CCNA2: variants seen among roughly 807,000 people sequenced by gnomAD.
CCNA2 encodes cyclin-A2.
CCNA2 carries 3 observed loss-of-function variants against 49.4 expected under a neutral mutation model. The ratio of observed to expected loss-of-function variants is 0.06; its 90% CI spans 0.03 to 0.16. The LOEUF (loss-of-function observed/expected upper bound fraction) is 0.16. CCNA2 is among the 10% of genes least tolerant of loss of function. The probability of loss-of-function intolerance (pLI) is 1.00; values close to 1 mark genes in which losing one functional copy is unlikely to be tolerated. For synonymous variants in CCNA2, 206 were observed against 197.2 expected (o/e 1.04, Z -0.37); for missense variants, 372 against 519.7 (o/e 0.72, Z 2.76).
chr4:121,821,982 T>A (rs1193848380), intron 2 of CCNA2, among the ~76,000 whole-genome samples: 1 of 152,222 alleles, frequency 6.6e-6, no homozygotes, highest in African/African-American at 2.4e-5. Flanking sequence ...CAGACTGGTT[T>A]TATAGAAACA....
intron 1 of CCNA2, 44 bp downstream of exon 1, chr4:121,823,372 C>G (rs1379675857): frequency 6.4e-7 from 1 of 1,562,012 alleles, no homozygotes; most frequent in South Asian, 1.2e-5. Flanking sequence ...CAATGCCAAA[C>G]CCTGCTCGAC....
Position 121,816,672 on chromosome 4 carries a change from C to A in CCNA2, c.*966G>T. ...GGATGCCAGTCTTACTCATAGCTGA[C>A]ACATTTTAGATCCTACTGGAAAACT... On this transcript the variant is annotated 3_prime_UTR_variant, in exon 8 of 8. Coordinates refer to ENST00000274026, the MANE Select transcript of CCNA2 (RefSeq NM_001237.5). The A allele has an allele frequency of 8.2e-7, 1 of 1,217,364 alleles. No homozygotes were observed. The highest frequency in any genetic ancestry group is 1.1e-6 in the Non-Finnish European group (1 of 896,568). 75.4% of individuals were successfully genotyped at this position (1,217,364 alleles called of 1,614,324 possible). A position where few individuals can be genotyped will look rare whatever the true frequency, so the allele number is the denominator to read the frequency against.
chr4:121,821,222 T>C, intron 2 of CCNA2, 131 bp from the exon 3 acceptor site: 1 of 1,108,794 alleles, frequency 9.0e-7, no homozygotes, highest in South Asian at 2.2e-5. Context: ...GAGCTTCTCA[T>C]GACAAAATAT....
intron 7 of CCNA2, 143 bp from the exon 8 acceptor site, chr4:121,817,829 G>T: frequency 8.0e-7 from 1 of 1,249,716 alleles, no homozygotes; most frequent in Non-Finnish European, 1.1e-6. Context: ...AACACTGTCT[G>T]GTCCCTGAAA....
chr4:121,823,319 G>A (rs1724742926), intron 1 of CCNA2, 97 bp downstream of exon 1: 11 of 1,415,872 alleles, frequency 7.8e-6, no homozygotes, highest in Admixed American at 2.4e-5. Context: ...CCTTCCAAAA[G>A]CCCAGGACAT....
Position 121,816,840 on chromosome 4 carries a change from A to G in CCNA2, c.*798T>C. 6.3e-7 allele frequency: 1 copy of G among 1,592,890 alleles called. No individual in the cohort carries two copies. Among genetic ancestry groups the G allele is most frequent in the Non-Finnish European group, 8.6e-7 (1 of 1,167,124 alleles). On this transcript the variant is annotated 3_prime_UTR_variant, in exon 8 of 8. Transcript: ENST00000274026. Reference sequence around the variant, plus strand: ...AAGCCAGTGAAAAGAAGAAAAAAGAAGAGAGCTGCCAATTAAAGCTAACAG... The same window carrying G: ...AAGCCAGTGAAAAGAAGAAAAAAGAGGAGAGCTGCCAATTAAAGCTAACAG...
chr4:121,817,564 A>G lies in CCNA2; in HGVS notation c.*74T>C. 1.3e-6 allele frequency: 2 copies of G among 1,563,110 alleles called. No individual in the cohort carries two copies. Among genetic ancestry groups the G allele is most frequent in the Non-Finnish European group, 8.7e-7 (1 of 1,148,332 alleles). On this transcript the variant is annotated 3_prime_UTR_variant, in exon 8 of 8. Coordinates refer to ENST00000274026, the MANE Select transcript of CCNA2 (RefSeq NM_001237.5). ...TATTCAGAAATGATTGTAAAATTAA[A>G]ACCTAAGTTAAAAACTGTACACCAT...
Position 121,818,860 on chromosome 4 carries a change from T to C in CCNA2, c.1056A>G (p.Pro352=), listed in dbSNP as rs760690278. ...GAAAGGCAGCTCCAGCAATAACTGA[T>C]GGCAAATACTTGAGGTATGGGTCAG... ...IDADPYLKYL[P]SVIAGAAFHL... is the part of the protein sequence containing the mutation. The change falls in exon 6 of 8, where the codon CCA becomes CCG. Residue 352 remains proline, a synonymous_variant. Transcript: ENST00000274026. 1.9e-6 allele frequency: 3 copies of C among 1,613,960 alleles called. No homozygotes were observed. Among genetic ancestry groups the C allele is most frequent in the Admixed American group, 1.7e-5 (1 of 60,016 alleles).
In CCNA2 at chr4:121,820,393, C is replaced by G. The variant is rs974692798; in HGVS notation, c.794+149G>C. 1.4e-5 allele frequency: 8 copies of G among 590,528 alleles called. No individual in the cohort carries two copies. Among genetic ancestry groups the G allele is most frequent in the Non-Finnish European group, 1.8e-5 (6 of 328,916 alleles). The allele number at this position is 590,528 out of a possible 1,614,324, so 36.6% of individuals were successfully genotyped here. On this transcript the variant is annotated intron_variant, in intron 4 of 7. Transcript: ENST00000274026. This position sits in a 1 kb window ranked among gnomAD's most constrained non-coding sequence, Gnocchi z 4.1. Reference sequence around the variant, plus strand: ...TCTAGATTAGAACAGTTTCATCCTCCTCCACTGCCCTAAGCCCCAGCACAT... The same window carrying G: ...TCTAGATTAGAACAGTTTCATCCTCGTCCACTGCCCTAAGCCCCAGCACAT...
chr4:121,819,056 CAT>C (rs1158420489), intron 5 of CCNA2, 143 bp from the exon 6 acceptor site: 20 of 626,010 alleles, frequency 3.2e-5, no homozygotes, highest in Non-Finnish European at 4.9e-5. Flanking sequence ...CATCTTTAAA[CAT>C]ATCAATCATT....
chr4:121,819,036 C>T, intron 5 of CCNA2, 123 bp from the exon 6 acceptor site: 1 of 651,464 alleles, frequency 1.5e-6, no homozygotes, highest in Admixed American at 2.5e-5. Context: ...GAAAAAATAT[C>T]TCACAGCCTC....
chr4:121,823,402 C>G lies in CCNA2; in HGVS notation c.213+14G>C. 6.2e-7 allele frequency: 1 copy of G among 1,604,794 alleles called. No individual in the cohort carries two copies. The highest frequency in any genetic ancestry group is 8.5e-7 in the Non-Finnish European group (1 of 1,174,490). On this transcript the variant is annotated intron_variant, in intron 1 of 7. Transcript: ENST00000274026. Reference sequence around the variant, plus strand: ...CTCGACCCACCCTCCTGCAGATATCCCGCATCCCTTTACCCGTCTCGTCTT... The same window carrying G: ...CTCGACCCACCCTCCTGCAGATATCGCGCATCCCTTTACCCGTCTCGTCTT...
chr4:121,823,256 T>TCCTACTGTGGCAAACCACACACCAG (rs1388220614), intron 1 of CCNA2, among the ~76,000 whole-genome samples, 160 bp downstream of exon 1: 10 of 152,104 alleles, frequency 6.6e-5, no homozygotes, highest in Non-Finnish European at 1.5e-4. Flanking sequence ...ATGGGAGAAC[T>TCCTACTGTGGCAAACCACACACCAG]CCTACTGTGG....
Position 121,820,896 on chromosome 4 carries a change from A to C in CCNA2, c.570+83T>G. 7.4e-7 allele frequency: 1 copy of C among 1,354,562 alleles called. No individual in the cohort carries two copies. The highest frequency in any genetic ancestry group is 1.3e-5 in the South Asian group (1 of 78,064). The allele number at this position is 1,354,562 out of a possible 1,614,324, so 83.9% of individuals were successfully genotyped here. On this transcript the variant is annotated intron_variant, in intron 3 of 7. Transcript: ENST00000274026. This position sits in a 1 kb window ranked among gnomAD's most constrained non-coding sequence, Gnocchi z 4.1. ...TAGCATTAGAATAATTCATTAGTTTAAAAATTTAAACATTATCCTCTCAAT... is the reference window on the plus strand; with the variant it reads ...TAGCATTAGAATAATTCATTAGTTTCAAAATTTAAACATTATCCTCTCAAT...
rs1724520296 is a variant in CCNA2 at position 121,816,561 on chromosome 4, T to C, written c.*1077A>G. The C allele has an allele frequency of 4.8e-6, 4 of 828,048 alleles. No homozygotes were observed. Among genetic ancestry groups the C allele is most frequent in the Admixed American group, 3.1e-5 (1 of 32,580 alleles). The allele number at this position is 828,048 out of a possible 1,614,324, so 51.3% of individuals were successfully genotyped here. A position where few individuals can be genotyped will look rare whatever the true frequency, so the allele number is the denominator to read the frequency against. On this transcript the variant is annotated 3_prime_UTR_variant, in exon 8 of 8. Transcript: ENST00000274026. Reference sequence around the variant, plus strand: ...TGACTATAAACAAAAAGACATCCCTTTTTCATTAGAGATCCATCTGTTCTG... The same window carrying C: ...TGACTATAAACAAAAAGACATCCCTCTTTCATTAGAGATCCATCTGTTCTG...
At position 121,822,399 on chromosome 4, in the gene CCNA2, T is replaced by G. The variant is rs1163671699; in HGVS notation, c.457+4A>C. The G allele has an allele frequency of 6.2e-7, 1 of 1,612,886 alleles. No homozygotes were observed. The highest frequency in any genetic ancestry group is 2.2e-5 in the East Asian group (1 of 44,868). On this transcript the variant is annotated splice_donor_region_variant and intron_variant, in intron 2 of 7. Transcript: ENST00000274026. ...ATTCCACACAGATTTTCCTTAAAAC[T>G]TACCAAAACTACCATCCATTGGATA...
chr4:121,818,202 CCT>C (rs771622457), intron 6 of CCNA2, 25 bp from the exon 7 acceptor site: 22 of 1,598,502 alleles, frequency 1.4e-5, no homozygotes, highest in African/African-American at 2.7e-5. Flanking sequence ...ATAGAGAACC[CCT>C]GAGTTTTGCT....
At position 121,822,767 on chromosome 4, in the gene CCNA2, AAG is replaced by A. The variant is rs1724721598; in HGVS notation, c.214-123_214-122del. The A allele has an allele frequency of 3.9e-6, 4 of 1,030,614 alleles. No individual in the cohort carries two copies. The South Asian group carries it at 4.9e-5, about 13-fold the overall frequency. The allele number at this position is 1,030,614 out of a possible 1,614,324, so 63.8% of individuals were successfully genotyped here. Reference sequence around the variant, plus strand: ...AGGAATTAAACTTTCTGGGACAAAGAAGAGTTTCAGTATTCAAAAGAGAAGGG... The same window carrying A: ...AGGAATTAAACTTTCTGGGACAAAGAAGTTTCAGTATTCAAAAGAGAAGGG... On this transcript the variant is annotated intron_variant, in intron 1 of 7. Transcript: ENST00000274026.
Position 121,823,583 on chromosome 4 carries a change from A to G in CCNA2, c.46T>C (p.Ser16Pro). The G allele has an allele frequency of 6.2e-7, 1 of 1,607,132 alleles. No individual in the cohort carries two copies. The highest frequency in any genetic ancestry group is 2.2e-5 in the East Asian group (1 of 44,672). The change falls in exon 1 of 8, where the codon TCG (serine) becomes CCG (proline). Residue 16 changes from serine to proline, a missense_variant. By Grantham distance (74) the Ser-to-Pro change is moderately conservative. Around this residue, in one of 2 missense-constraint regions of CCNA2, gnomAD observed 217 missense variants for 231.7 expected, o/e 0.94. Transcript: ENST00000274026. The stretch of plus-strand genomic sequence containing the variant: ...GTCTGCTGCAATGCTAGCAGCGCCG[A>G]GCCCGCCTCGCGGGTCGCAGGCCCC... The part of the protein sequence containing the change: ...APGPATREAG[S>P]ALLALQQTAL...
Sources: allele counts gnomAD v4.1 joint callset (sites outside exome capture counted in the v4.1 genomes callset), GRCh38; gene constraint gnomAD v4.1.1; regional missense constraint gnomAD v4.1.1; non-coding constraint Gnocchi (gnomAD v3.1); transcripts MANE v1.5; gene names NCBI Gene and HGNC (gene_info 2026-07-23, HGNC 2026-07-21).